TRPS1: variants seen among roughly 807,000 people sequenced by gnomAD.
TRPS1 encodes the protein transcriptional repressor GATA binding 1, also known as zinc finger transcription factor Trps1.
TRPS1 carries 6 observed loss-of-function variants against 101.2 expected under a neutral mutation model. The ratio of observed to expected loss-of-function variants is 0.06; its 90% CI spans 0.03 to 0.12. TRPS1 has a LOEUF of 0.12. Ranked by LOEUF, TRPS1 falls within the 10% of genes least tolerant of loss-of-function variation. TRPS1 has a pLI of 1.00. For synonymous variants in TRPS1, 578 were observed against 589.8 expected (o/e 0.98, Z 0.29); for missense variants, 1,363 against 1,567.0 (o/e 0.87, Z 2.20).
chr8:115,664,107 C>T lies in TRPS1; in HGVS notation c.-122+4438G>A, dbSNP rs375508570. ...CAAATGACTTTGGCCCTACTTACAT[C>T]GGAGGATAAATTTTAAAAAGTAGTT... On this transcript the variant is annotated intron_variant, in intron 1 of 6. Transcript: ENST00000395715. Among the ~76,000 whole-genome samples, 44 of 152,152 alleles carry T rather than the reference C, an allele frequency of 2.9e-4. No individual in the cohort carries two copies. The South Asian group carries it at 8.5e-3, about 29-fold the overall frequency.
chr8:115,477,803 CT>C (rs59391256), intron 5 of TRPS1, among the ~76,000 whole-genome samples: 20,087 of 148,086 alleles, frequency 0.14, 1,551 homozygotes, highest in Admixed American at 0.19. Flanking sequence ...AATCTACATT[CT>C]TTTTTTTTTT....
At chr8:115,501,454 G>C (rs1815317603) in intron 5 of TRPS1, among the ~76,000 whole-genome samples, 1 of 152,130 alleles carries the variant, frequency 6.6e-6, no homozygotes, top group Admixed American at 6.5e-5. Context: ...GGAATTTCAA[G>C]TATGTCCACT....
chr8:115,543,376 A>G (rs538694877), intron 5 of TRPS1, among the ~76,000 whole-genome samples: 3 of 152,290 alleles, frequency 2.0e-5, no homozygotes, highest in East Asian at 3.9e-4. Context: ...TGTCTCTTTC[A>G]AGATTAGCAA....
chr8:115,410,316 A>G lies in TRPS1; in HGVS notation c.*3707T>C, dbSNP rs1221840509. The G allele has an allele frequency of 6.6e-6, 1 of 152,550 alleles. No individual in the cohort carries two copies. Among genetic ancestry groups the G allele is most frequent in the Non-Finnish European group, 1.5e-5 (1 of 68,010 alleles). The allele number at this position is 152,550 out of a possible 1,614,324, so 9.4% of individuals were successfully genotyped here. ...ATAGATTATGTGCACATGTGCAATT[A>G]TAAACATAATGTGCTACCACAGGCT... is the stretch of plus-strand genomic sequence containing the variant. On this transcript the variant is annotated 3_prime_UTR_variant, in exon 7 of 7. Transcript: ENST00000395715.
intron 5 of TRPS1, among the ~76,000 whole-genome samples, chr8:115,491,706 A>T (rs1344904249): frequency 2.0e-5 from 3 of 152,136 alleles, no homozygotes; most frequent in African/African-American, 7.2e-5. Context: ...AAAGAGAGAG[A>T]GAGAAAGCAA....
At position 115,452,021 on chromosome 8, in the gene TRPS1, T is replaced by C. The variant is rs571846882; in HGVS notation, c.2701-33569A>G. The stretch of plus-strand genomic sequence containing the variant: ...AGGCCAATATTAAAGTTTTGAAAAA[T>C]GTGTTTTCCCCTTCTTCTCCTATGT... On this transcript the variant is annotated intron_variant, in intron 5 of 6. Transcript: ENST00000395715. Among the ~76,000 whole-genome samples, 11 of 152,216 alleles carry C rather than the reference T, an allele frequency of 7.2e-5. No individual in the cohort carries two copies. In the East Asian group the frequency reaches 1.9e-3, roughly 27 times the overall value.
intron 5 of TRPS1, among the ~76,000 whole-genome samples, chr8:115,447,303 T>C (rs1813762319): frequency 1.3e-5 from 2 of 152,196 alleles, no homozygotes; most frequent in Admixed American, 6.5e-5. Context: ...AATTTGCTAC[T>C]GAATGTATTT....
chr8:115,588,907 T>TA (rs1817624820), intron 4 of TRPS1, among the ~76,000 whole-genome samples: 1 of 152,192 alleles, frequency 6.6e-6, no homozygotes, highest in Admixed American at 6.5e-5. Context: ...ACCTGCTGCT[T>TA]AGAGTCTCGT....
chr8:115,488,896 T>G (rs1814953513), intron 5 of TRPS1, among the ~76,000 whole-genome samples: 1 of 152,190 alleles, frequency 6.6e-6, no homozygotes, highest in African/African-American at 2.4e-5. Flanking sequence ...GGTTATGTAT[T>G]AATATAGTTC....
intron 5 of TRPS1, among the ~76,000 whole-genome samples, chr8:115,498,427 A>C (rs1181902616): frequency 0.051 from 4,847 of 95,920 alleles, 81 homozygotes; most frequent in Non-Finnish European, 0.057. Context: ...ATATATATAT[A>C]TATATATATA....
intron 1 of TRPS1, among the ~76,000 whole-genome samples, chr8:115,639,709 G>C (rs1457153510): frequency 6.6e-6 from 1 of 151,994 alleles, no homozygotes; most frequent in African/African-American, 2.4e-5. Flanking sequence ...CATGCCTGTA[G>C]TTCCAGGTAC....
At chr8:115,636,607 C>T (rs1818772481) in intron 1 of TRPS1, among the ~76,000 whole-genome samples, 1 of 152,120 alleles carries the variant, frequency 6.6e-6, no homozygotes. Context: ...AGTAAATTCC[C>T]TTGAAAGTAA....
chr8:115,464,959 TCAAG>T (rs1814281301), intron 5 of TRPS1, among the ~76,000 whole-genome samples: 1 of 152,082 alleles, frequency 6.6e-6, no homozygotes, highest in African/African-American at 2.4e-5. Context: ...TACAACGCAA[TCAAG>T]CAAAGTTTAA....
At chr8:115,644,692 C>T (rs1325651485) in intron 1 of TRPS1, among the ~76,000 whole-genome samples, 2 of 152,218 alleles carry the variant, frequency 1.3e-5, no homozygotes, top group African/African-American at 4.8e-5. Context: ...TTTGGCTTCT[C>T]TCTTTTTCAG....
At chr8:115,474,845 A>G (rs1340136995) in intron 5 of TRPS1, among the ~76,000 whole-genome samples, 1 of 152,136 alleles carries the variant, frequency 6.6e-6, no homozygotes, top group African/African-American at 2.4e-5. Flanking sequence ...AAGAGACTAG[A>G]GATAAATATT....
chr8:115,537,285 T>C (rs1296002474), intron 5 of TRPS1, among the ~76,000 whole-genome samples: 1 of 152,218 alleles, frequency 6.6e-6, no homozygotes, highest in African/African-American at 2.4e-5. Flanking sequence ...ATAGTTATGA[T>C]TCATTCTGTT....
chr8:115,545,788 T>C (rs112688996), intron 5 of TRPS1, among the ~76,000 whole-genome samples: 167 of 152,286 alleles, frequency 1.1e-3, no homozygotes, highest in African/African-American at 3.8e-3. Context: ...AATCAATTTT[T>C]CAACATTATT....
At chr8:115,462,915 T>C (rs539513645) in intron 5 of TRPS1, among the ~76,000 whole-genome samples, 15 of 152,226 alleles carry the variant, frequency 9.9e-5, no homozygotes, top group South Asian at 8.3e-4. Context: ...AAGGCATACA[T>C]TAAACTCATA....
At chr8:115,598,254 C>T (rs1457807324) in intron 4 of TRPS1, among the ~76,000 whole-genome samples, 4 of 152,192 alleles carry the variant, frequency 2.6e-5, no homozygotes, top group South Asian at 2.1e-4. Flanking sequence ...AGTCCTAGCT[C>T]GCTAACTCCC....
Sources: allele counts gnomAD v4.1 joint callset (sites outside exome capture counted in the v4.1 genomes callset), GRCh38; gene constraint gnomAD v4.1.1; transcripts MANE v1.5; gene names NCBI Gene and HGNC (gene_info 2026-07-23, HGNC 2026-07-21).